Variants in SRSF10 observed in about 807,000 individuals in gnomAD.
The protein encoded by SRSF10 is serine/arginine-rich splicing factor 10.
A neutral mutation model predicts 32.6 loss-of-function variants in SRSF10; 9 were observed. The observed-to-expected ratio is 0.28, with a 90% CI of 0.17 to 0.48. The LOEUF is 0.48. SRSF10 is among the 20% of genes least tolerant of loss of function. The pLI is 0.99. For missense variants in SRSF10, 201 were observed against 331.8 expected (o/e 0.61, Z 3.06); for synonymous variants, 105 against 112.4 (o/e 0.93, Z 0.42).
At chr1:23,979,798 G>A (rs2148515295) in intron 1 of SRSF10, among the ~76,000 whole-genome samples, 1 of 10,124 alleles carries the variant, frequency 9.9e-5, no homozygotes, top group Non-Finnish European at 2.6e-4. Context: ...ACTATTTTTT[G>A]GCTGGGGAAA....
intron 1 of SRSF10, among the ~76,000 whole-genome samples, chr1:23,979,170 T>C (rs1262950492): frequency 6.6e-6 from 1 of 151,702 alleles, no homozygotes; most frequent in African/African-American, 2.4e-5. Context: ...CACTTAACAG[T>C]AGATAAATAT....
At chr1:23,973,036 G>A (rs991336231) in intron 3 of SRSF10, among the ~76,000 whole-genome samples, 7 of 152,008 alleles carry the variant, frequency 4.6e-5, no homozygotes, top group Middle Eastern at 3.4e-3. Context: ...TTGAGCCACC[G>A]TGCCCAGCCC....
intron 3 of SRSF10, 116 bp downstream of exon 3, chr1:23,974,857 GA>G (rs1311822447): frequency 4.7e-5 from 35 of 752,214 alleles, no homozygotes; most frequent in Non-Finnish European, 6.5e-5. Context: ...AAGAAAGAAA[GA>G]AAAAAAAGAT....
Position 23,970,674 on chromosome 1 carries a change from G to C in SRSF10, c.*468C>G. 2 of 986,918 alleles carry C rather than the reference G, an allele frequency of 2.0e-6. No individual in the cohort carries two copies. Among genetic ancestry groups the C allele is most frequent in the Non-Finnish European group, 2.4e-6 (2 of 831,140 alleles). 61.1% of individuals were successfully genotyped at this position (986,918 alleles called of 1,614,324 possible). On this transcript the variant is annotated 3_prime_UTR_variant, in exon 6 of 6. Coordinates refer to ENST00000492112, the MANE Select transcript of SRSF10 (RefSeq NM_054016.4). ...ACGCCCAGCCGGGCCTAGACATCTT[G>C]ACAAGACATAAAGGTCCACCCTGAA... is the stretch of plus-strand genomic sequence containing the variant.
rs2148493820 is a variant in SRSF10 at position 23,967,751 on chromosome 1, T to C, written c.*3391A>G. On this transcript the variant is annotated 3_prime_UTR_variant, in exon 6 of 6. Transcript: ENST00000492112. ...TAAATAAAAGAAGGATGTTTGTCAG[T>C]TTGGTTTCCTTTATTCTTCTCTGTG... The C allele has an allele frequency of 6.2e-7, 1 of 1,611,056 alleles. No homozygotes were observed. Among genetic ancestry groups the C allele is most frequent in the Non-Finnish European group, 8.5e-7 (1 of 1,177,890 alleles).
At chr1:23,979,057 G>GTTTTTTTTTTTTTTT (rs71655401) in intron 1 of SRSF10, 6 of 134,030 alleles carry the variant, frequency 4.5e-5, no homozygotes, top group African/African-American at 5.4e-5. Context: ...TATAAGCCTT[G>GTTTTTTTTTTTTTTT]TTTTTTTTTT....
At position 23,971,003 on chromosome 1, in the gene SRSF10, T is replaced by A. The variant is rs1641724560; in HGVS notation, c.*139A>T. The A allele has an allele frequency of 6.8e-7, 1 of 1,467,908 alleles. No homozygotes were observed. 90.9% of individuals were successfully genotyped at this position (1,467,908 alleles called of 1,614,324 possible). A position where few individuals can be genotyped will look rare whatever the true frequency, so the allele number is the denominator to read the frequency against. ...CTTCTCAACAGCATATCATTTTAAT[T>A]ATAACCATTGCCTGGTACAGGGAAA... On this transcript the variant is annotated 3_prime_UTR_variant, in exon 6 of 6. Transcript: ENST00000492112.
intron 2 of SRSF10, 80 bp from the exon 3 acceptor site, chr1:23,975,157 TC>T: frequency 9.2e-7 from 1 of 1,085,798 alleles, no homozygotes; most frequent in Non-Finnish European, 1.4e-6. Flanking sequence ...CTGGAACAAT[TC>T]ACAATCTCCC....
intron 3 of SRSF10, among the ~76,000 whole-genome samples, chr1:23,972,731 C>T (rs1405836106): frequency 2.2e-5 from 3 of 138,570 alleles, no homozygotes. Flanking sequence ...TGTGAGCCAC[C>T]GCACCCAGCC....
Position 23,969,486 on chromosome 1 carries a change from C to A in SRSF10, c.*1656G>T. The A allele has an allele frequency of 2.0e-6, 2 of 985,428 alleles. No homozygotes were observed. The highest frequency in any genetic ancestry group is 2.4e-6 in the Non-Finnish European group (2 of 829,878). The allele number at this position is 985,428 out of a possible 1,614,324, so 61.0% of individuals were successfully genotyped here. On this transcript the variant is annotated 3_prime_UTR_variant, in exon 6 of 6. Coordinates refer to ENST00000492112, the MANE Select transcript of SRSF10 (RefSeq NM_054016.4). ...CTAGAATCAATCCTTTAAACACATT[C>A]CACAAACAGTATTTAAAATCCATCG...
rs1641422918 is a variant in SRSF10, at chr1:23,965,811, C to T, written c.*5331G>A. 1 of 151,700 alleles carries T rather than the reference C, an allele frequency of 6.6e-6. No homozygotes were observed. The highest frequency in any genetic ancestry group is 6.6e-5 in the Admixed American group (1 of 15,224). 9.4% of individuals were successfully genotyped at this position (151,700 alleles called of 1,614,324 possible). ...ACCTAATTTTTTTTAAACAAAACCC[C>T]AACTCAATATGCACCTTAATTCTCC... On this transcript the variant is annotated 3_prime_UTR_variant, in exon 6 of 6. Transcript: ENST00000492112.
At position 23,970,713 on chromosome 1, in the gene SRSF10, G is replaced by A. The variant is rs1246902885; in HGVS notation, c.*429C>T. ...GTCCACCCTGAACCTAAATGTGTCT[G>A]AGCAGTCAGTGTTGTACTGTGGCTA... On this transcript the variant is annotated 3_prime_UTR_variant, in exon 6 of 6. Coordinates refer to ENST00000492112, the MANE Select transcript of SRSF10 (RefSeq NM_054016.4). 2 of 990,690 alleles carry A rather than the reference G, an allele frequency of 2.0e-6. No homozygotes were observed. The highest frequency in any genetic ancestry group is 2.4e-6 in the Non-Finnish European group (2 of 833,720). 61.4% of individuals were successfully genotyped at this position (990,690 alleles called of 1,614,324 possible).
chr1:23,976,820 T>C (rs1334265738), intron 2 of SRSF10: 3 of 152,206 alleles, frequency 2.0e-5, no homozygotes, highest in African/African-American at 4.8e-5. Flanking sequence ...TACTTTATGG[T>C]CTTTTCAAAA....
In SRSF10 at chr1:23,965,951, CTA is replaced by C; in HGVS notation, c.*5189_*5190del. ...ATAGAACCTCTGTCCATAAGAACCC[CTA>C]TGTTAATGAGTGTATAACGGTATAC... On this transcript the variant is annotated 3_prime_UTR_variant, in exon 6 of 6. Transcript: ENST00000492112. 6.6e-6 allele frequency: 1 copy of C among 151,966 alleles called. No homozygotes were observed. Among genetic ancestry groups the C allele is most frequent in the East Asian group, 1.9e-4 (1 of 5,182 alleles). 9.4% of individuals were successfully genotyped at this position (151,966 alleles called of 1,614,324 possible). A position where few individuals can be genotyped will look rare whatever the true frequency, so the allele number is the denominator to read the frequency against.
At chr1:23,980,101 C>T in intron 1 of SRSF10, 90 bp downstream of exon 1, 4 of 1,370,284 alleles carry the variant, frequency 2.9e-6, no homozygotes, top group Non-Finnish European at 3.9e-6. Flanking sequence ...ACTCCGTCCC[C>T]TCCCCCGGCC....
rs962774822 is a variant in SRSF10 at position 23,978,095 on chromosome 1, A to G, written c.170+618T>C. 15 of 985,284 alleles carry G rather than the reference A, an allele frequency of 1.5e-5. No homozygotes were observed. In the Admixed American group the frequency reaches 8.6e-4, roughly 57 times the overall value. 61.0% of individuals were successfully genotyped at this position (985,284 alleles called of 1,614,324 possible). A position where few individuals can be genotyped will look rare whatever the true frequency, so the allele number is the denominator to read the frequency against. ...ATAAAGCGAGGCTTTGTCTCCCATT[A>G]GGCTTGTCCTTCTTCCAGCTTTTCT... is the stretch of plus-strand genomic sequence containing the variant. On this transcript the variant is annotated intron_variant, in intron 2 of 5. Coordinates refer to ENST00000492112, the MANE Select transcript of SRSF10 (RefSeq NM_054016.4).
At chr1:23,975,498 A>C (rs1029892703) in intron 2 of SRSF10, 2 of 158,866 alleles carry the variant, frequency 1.3e-5, no homozygotes, top group Non-Finnish European at 2.8e-5. Context: ...TTCAAACGAA[A>C]AAAAGAAAAT....
At chr1:23,972,145 A>C in intron 3 of SRSF10, 133 bp from the exon 4 acceptor site, 3 of 715,712 alleles carry the variant, frequency 4.2e-6, no homozygotes, top group Non-Finnish European at 6.1e-6. Context: ...GTGGTGGCTC[A>C]CACCTGTGAT....
At position 23,971,040 on chromosome 1, in the gene SRSF10, T is replaced by C; in HGVS notation, c.*102A>G. 5 of 1,503,538 alleles carry C rather than the reference T, an allele frequency of 3.3e-6. No individual in the cohort carries two copies. Among genetic ancestry groups the C allele is most frequent in the Non-Finnish European group, 4.4e-6 (5 of 1,131,642 alleles). 93.1% of individuals were successfully genotyped at this position (1,503,538 alleles called of 1,614,324 possible). On this transcript the variant is annotated 3_prime_UTR_variant, in exon 6 of 6. Coordinates refer to ENST00000492112, the MANE Select transcript of SRSF10 (RefSeq NM_054016.4). Reference sequence around the variant, plus strand: ...CTGGTACAGGGAAAACTAACAAGTGTTTTTTAAGCATCATTGCAACATTGT... The same window carrying C: ...CTGGTACAGGGAAAACTAACAAGTGCTTTTTAAGCATCATTGCAACATTGT...
Sources: gnomAD v4.1 joint callset for allele counts (sites outside exome capture counted in the v4.1 genomes callset) on GRCh38, gnomAD v4.1.1 for gene constraint, MANE v1.5 for transcripts, NCBI Gene and HGNC (gene_info 2026-07-23, HGNC 2026-07-21) for gene names.